KAZN: variants seen among roughly 807,000 people sequenced by gnomAD.
KAZN encodes kazrin, periplakin interacting protein.
In KAZN, 40 loss-of-function variants were observed where a neutral mutation model predicts 87.4. That is an observed-to-expected ratio of 0.46 (90% CI 0.36 to 0.60). The LOEUF is 0.60. Among genes scored for constraint, KAZN ranks in the 20% least tolerant of loss-of-function variants. The pLI is 0.00. For missense variants in KAZN, 898 were observed against 1,073.9 expected (o/e 0.84, Z 2.29); for synonymous variants, 466 against 458.3 (o/e 1.02, Z -0.22).
intron 2 of KAZN, among the ~76,000 whole-genome samples, chr1:14,416,949 T>C (rs1335528218): frequency 2.0e-5 from 3 of 150,042 alleles, no homozygotes; most frequent in African/African-American, 7.3e-5. Context: ...TGAGCGTGTA[T>C]ATGTGTATGT....
chr1:14,370,138 G>A (rs1362035509), intron 2 of KAZN, among the ~76,000 whole-genome samples: 2 of 152,206 alleles, frequency 1.3e-5, no homozygotes, highest in Non-Finnish European at 2.9e-5. Flanking sequence ...TTTCCACAGA[G>A]GGTGGATGTC....
intron 2 of KAZN, among the ~76,000 whole-genome samples, chr1:14,194,538 C>G (rs1646486981): frequency 6.6e-6 from 1 of 152,158 alleles, no homozygotes; most frequent in Non-Finnish European, 1.5e-5. Context: ...TCTGTGTCCC[C>G]AGACCCATCC....
chr1:14,321,187 T>G (rs1656026383), intron 2 of KAZN, among the ~76,000 whole-genome samples: 1 of 152,144 alleles, frequency 6.6e-6, no homozygotes, highest in African/African-American at 2.4e-5. Context: ...TTACAAAATT[T>G]GGTTTGTCAA....
At chr1:14,017,203 C>A (rs1039589690) in intron 1 of KAZN, among the ~76,000 whole-genome samples, 1 of 152,148 alleles carries the variant, frequency 6.6e-6, no homozygotes, top group Non-Finnish European at 1.5e-5. Context: ...GGCTTGGGGT[C>A]CTTTTCAACC....
chr1:14,759,548 G>C lies in KAZN; in HGVS notation c.226+160325G>C, dbSNP rs922809732. 3.9e-5 allele frequency among the ~76,000 whole-genome samples: 6 copies of C among 152,122 alleles called. 1 individual carries two copies. Among genetic ancestry groups the C allele is most frequent in the African/African-American group, 1.4e-4 (6 of 41,420 alleles). The stretch of plus-strand genomic sequence containing the variant: ...ATTTTTATAACCCTCATTTGTTTTT[G>C]ATTAAGCAATTATAGGCACTAAAAG... On this transcript the variant is annotated intron_variant, in intron 1 of 14. Transcript: ENST00000376030.
intron 4 of KAZN, among the ~76,000 whole-genome samples, chr1:15,045,465 G>T (rs72639849): frequency 0.051 from 7,702 of 152,228 alleles, 281 homozygotes; most frequent in East Asian, 0.21. Context: ...GATCCCCTGC[G>T]CAGCTAAATC....
At chr1:14,373,981 C>T (rs1660704969) in intron 2 of KAZN, among the ~76,000 whole-genome samples, 1 of 152,172 alleles carries the variant, frequency 6.6e-6, no homozygotes, top group Non-Finnish European at 1.5e-5. Flanking sequence ...TGTAAACTAA[C>T]ATAAGCCAAT....
chr1:14,044,583 TTTATTA>T (rs544296314), intron 1 of KAZN, among the ~76,000 whole-genome samples: 1 of 151,804 alleles, frequency 6.6e-6, no homozygotes, highest in African/African-American at 2.4e-5. Context: ...TGAATGAAGC[TTTATTA>T]TTATTATTAT....
At chr1:14,333,122 T>C (rs1656971244) in intron 2 of KAZN, among the ~76,000 whole-genome samples, 1 of 152,136 alleles carries the variant, frequency 6.6e-6, no homozygotes, top group Admixed American at 6.5e-5. Context: ...CACTTATAAG[T>C]GAGAACATAC....
At chr1:14,793,881 C>T (rs1324794215) in intron 1 of KAZN, among the ~76,000 whole-genome samples, 4 of 152,196 alleles carry the variant, frequency 2.6e-5, no homozygotes, top group Non-Finnish European at 2.9e-5. Flanking sequence ...CTCTGGCAAA[C>T]AAGACCACCC....
At chr1:14,392,757 T>TG (rs539492360) in intron 2 of KAZN, among the ~76,000 whole-genome samples, 1 of 150,958 alleles carries the variant, frequency 6.6e-6, no homozygotes, top group Non-Finnish European at 1.5e-5. Context: ...GGTGTGGGGG[T>TG]GGGGGGACAA....
At chr1:14,164,467 T>TGTGTGTGTGTGA (rs1645776686) in intron 1 of KAZN, among the ~76,000 whole-genome samples, 1 of 151,116 alleles carries the variant, frequency 6.6e-6, no homozygotes, top group Non-Finnish European at 1.5e-5. Flanking sequence ...TGTGTGTGTG[T>TGTGTGTGTGTGA]GTGTGTGTGT....
intron 2 of KAZN, among the ~76,000 whole-genome samples, chr1:14,550,034 T>C (rs1477086345): frequency 6.6e-6 from 1 of 152,236 alleles, no homozygotes; most frequent in African/African-American, 2.4e-5. Context: ...CCTTCTGCAA[T>C]TAATTTAGTT....
At chr1:14,033,306 A>C (rs1301227897) in intron 1 of KAZN, among the ~76,000 whole-genome samples, 1 of 152,174 alleles carries the variant, frequency 6.6e-6, no homozygotes, top group Non-Finnish European at 1.5e-5. Context: ...TTTTGTCTCC[A>C]GTTGGAGAGG....
chr1:14,840,366 T>C (rs1647817098), intron 1 of KAZN, among the ~76,000 whole-genome samples: 1 of 152,232 alleles, frequency 6.6e-6, no homozygotes, highest in South Asian at 2.1e-4. Flanking sequence ...CCTCCCTTTT[T>C]GAGCATTTGG....
At chr1:14,712,577 G>C (rs531826811) in intron 1 of KAZN, among the ~76,000 whole-genome samples, 2 of 152,168 alleles carry the variant, frequency 1.3e-5, no homozygotes, top group Admixed American at 6.5e-5. Flanking sequence ...AGACCCCTCC[G>C]ATCTGCCAGA....
intron 1 of KAZN, among the ~76,000 whole-genome samples, chr1:14,777,335 A>G (rs1013310540): frequency 6.6e-6 from 1 of 152,160 alleles, no homozygotes; most frequent in African/African-American, 2.4e-5. Flanking sequence ...TCTGATGAAG[A>G]AATTGAAGCT....
chr1:14,364,251 A>T (rs1269584485), intron 2 of KAZN, among the ~76,000 whole-genome samples: 1 of 152,132 alleles, frequency 6.6e-6, no homozygotes, highest in East Asian at 1.9e-4. Context: ...AGCCAGAGTC[A>T]CTGGGTTAAA....
chr1:14,943,010 GTGTGTGTGT>G (rs1557644860), intron 1 of KAZN, among the ~76,000 whole-genome samples: 11,557 of 76,588 alleles, frequency 0.15, 666 homozygotes, highest in African/African-American at 0.32. Flanking sequence ...TGTGTGTGGT[GTGTGTGTGT>G]GTGTGTGTGT....
Sources: allele counts gnomAD v4.1 joint callset (sites outside exome capture counted in the v4.1 genomes callset), GRCh38; gene constraint gnomAD v4.1.1; transcripts MANE v1.5; gene names NCBI Gene and HGNC (gene_info 2026-07-23, HGNC 2026-07-21).